ITGA11: variants seen among roughly 807,000 people sequenced by gnomAD.
The protein encoded by ITGA11 is integrin alpha-11.
ITGA11 carries 97 observed loss-of-function variants against 141.9 expected under a neutral mutation model. The ratio of observed to expected loss-of-function variants is 0.68; its 90% CI spans 0.58 to 0.81. The LOEUF (loss-of-function observed/expected upper bound fraction) is 0.81. ITGA11 is among the 30% of genes least tolerant of loss of function. The probability of loss-of-function intolerance (pLI) is 0.00; values close to 1 mark genes in which losing one functional copy is unlikely to be tolerated. For missense variants in ITGA11, 1,387 were observed against 1,559.2 expected, an observed-to-expected ratio of 0.89 and a Z score of 1.86; for synonymous variants, 658 against 624.6, an observed-to-expected ratio of 1.05 and a Z score of -0.80.
chr15:68,353,664 G>C (rs1275496229), intron 7 of ITGA11, among the ~76,000 whole-genome samples: 1 of 152,120 alleles, frequency 6.6e-6, no homozygotes, highest in Non-Finnish European at 1.5e-5. Context: ...ACTTGGATTT[G>C]TTCCTTTGTA....
chr15:68,357,075 T>C, intron 7 of ITGA11, 76 bp downstream of exon 7: 1 of 1,327,780 alleles, frequency 7.5e-7, no homozygotes, highest in South Asian at 1.4e-5. Flanking sequence ...TTTGTGGTAG[T>C]GTGTTACAAG....
At chr15:68,396,746 A>G (rs1275379664) in intron 2 of ITGA11, among the ~76,000 whole-genome samples, 2 of 149,932 alleles carry the variant, frequency 1.3e-5, no homozygotes, top group Non-Finnish European at 1.5e-5. Flanking sequence ...GTAAATATAC[A>G]AAAATCAATT....
rs143547078 is a variant in ITGA11 at position 68,361,660 on chromosome 15, G to A, written c.402C>T (p.Tyr134=). 74 of 1,610,418 alleles carry A rather than the reference G, an allele frequency of 4.6e-5. No individual in the cohort carries two copies. The highest frequency in any genetic ancestry group is 5.9e-5 in the Non-Finnish European group (70 of 1,178,314). Residue 134 remains tyrosine, a synonymous_variant, in exon 5 of 30, where the codon TAC becomes TAT. Transcript: ENST00000315757. ...TGACTCTTGAACACATCCCTGTGGT[G>A]TAGTAGGAGCTCCCACACTCATGAG... ...LWSHECGSSY[Y]TTGMCSRVNS...
chr15:68,328,169 A>C lies in ITGA11; in HGVS notation c.1995T>G (p.Asp665Glu), dbSNP rs1230024328. The C allele has an allele frequency of 4.3e-6, 7 of 1,613,888 alleles. No individual in the cohort carries two copies. Among genetic ancestry groups the C allele is most frequent in the Non-Finnish European group, 8.5e-7 (1 of 1,179,848 alleles). ...AGAGGAAGGCGGCCAGGCAGGTGGC[A>C]TCCCTGCCACTGCGCTTGCAGTCTC... ...FHRDCKRSGRDATCLAAFLCF... is the reference protein window; with the variant it reads ...FHRDCKRSGREATCLAAFLCF... Residue 665 changes from aspartate to glutamate, a missense_variant, in exon 16 of 30, where the codon GAT (aspartate) becomes GAG (glutamate). Asp to Glu is a conservative substitution (Grantham distance 45). Coordinates refer to ENST00000315757, the MANE Select transcript of ITGA11 (RefSeq NM_001004439.2). The surrounding 1 kb of genome is among the most constrained non-coding windows in gnomAD (Gnocchi z 4.8).
intron 3 of ITGA11, among the ~76,000 whole-genome samples, chr15:68,367,470 C>A (rs570125237): frequency 9.9e-5 from 15 of 152,248 alleles, no homozygotes; most frequent in South Asian, 2.1e-4. Context: ...CCACCTGTAA[C>A]CTTCTCAAAA....
intron 1 of ITGA11, among the ~76,000 whole-genome samples, chr15:68,412,668 C>CTTTTTT (rs71145169): frequency 2.0e-4 from 12 of 59,246 alleles, no homozygotes; most frequent in Non-Finnish European, 2.7e-4. Flanking sequence ...AACTTATTCG[C>CTTTTTT]TTTTTTTTTT....
intron 2 of ITGA11, among the ~76,000 whole-genome samples, chr15:68,377,604 T>G (rs995614849): frequency 2.0e-5 from 3 of 152,198 alleles, no homozygotes; most frequent in African/African-American, 7.2e-5. Flanking sequence ...CTCCTTCCCC[T>G]TCTCAATCCA....
chr15:68,422,084 G>C (rs1897031933), intron 1 of ITGA11, among the ~76,000 whole-genome samples: 1 of 152,166 alleles, frequency 6.6e-6, no homozygotes. Context: ...CACTGCTTCT[G>C]GGCCTGAAAA....
intron 3 of ITGA11, chr15:68,365,547 G>GGTGTGTGTGTGTGTGTGTGTGT (rs58398705): frequency 3.3e-5 from 5 of 149,430 alleles, no homozygotes; most frequent in African/African-American, 9.9e-5. Flanking sequence ...AGTGTGTTGG[G>GGTGTGTGTGTGTGTGTGTGTGT]GTGTGTGTGT....
At chr15:68,417,056 G>A (rs1274095869) in intron 1 of ITGA11, among the ~76,000 whole-genome samples, 1 of 151,882 alleles carries the variant, frequency 6.6e-6, no homozygotes, top group African/African-American at 2.4e-5. Flanking sequence ...GTCTTGCTCT[G>A]TCTGAGCGAG....
chr15:68,364,647 A>ACCCCAC, intron 4 of ITGA11, 60 bp downstream of exon 4: 10 of 904,806 alleles, frequency 1.1e-5, no homozygotes, highest in East Asian at 2.6e-5. Context: ...GAGACGCTCC[A>ACCCCAC]CCCCTCCCCA....
intron 2 of ITGA11, among the ~76,000 whole-genome samples, chr15:68,377,398 G>A (rs545882656): frequency 5.3e-5 from 8 of 152,122 alleles, no homozygotes; most frequent in African/African-American, 1.4e-4. Context: ...TCAGCCTCCC[G>A]AGTAGCTGGG....
intron 26 of ITGA11, among the ~76,000 whole-genome samples, chr15:68,309,096 T>G (rs1321508419): frequency 6.6e-6 from 1 of 152,228 alleles, no homozygotes; most frequent in African/African-American, 2.4e-5. Flanking sequence ...CTTCAAATAA[T>G]TATAACGGAT....
Position 68,335,283 on chromosome 15 carries a change from A to T in ITGA11, c.1425+414T>A, listed in dbSNP as rs1003716883. ...CCCTGGGAAAGCCACCTTGCTTCCC[A>T]GGAGCCCAGTTTTCCCCTGTGCTGG... On this transcript the variant is annotated intron_variant, in intron 12 of 29. Coordinates refer to ENST00000315757, the MANE Select transcript of ITGA11 (RefSeq NM_001004439.2). The surrounding 1 kb of genome is among the most constrained non-coding windows in gnomAD (Gnocchi z 4.9). Among the ~76,000 whole-genome samples, 2 of 152,158 alleles carry T rather than the reference A, an allele frequency of 1.3e-5. No homozygotes were observed. The highest frequency in any genetic ancestry group is 6.5e-5 in the Admixed American group (1 of 15,282).
rs1037969799 is a variant in ITGA11 at position 68,335,875 on chromosome 15, G to T, written c.1277-30C>A. The T allele has an allele frequency of 6.2e-7, 1 of 1,604,472 alleles. No homozygotes were observed. The highest frequency in any genetic ancestry group is 8.5e-7 in the Non-Finnish European group (1 of 1,175,336). ...CACAGGAGGAAACAGGCTGATCTTT[G>T]GCACCGTGTCCTCAGCAGGCGTTGC... On this transcript the variant is annotated intron_variant, in intron 11 of 29. Transcript: ENST00000315757. The surrounding 1 kb of genome is among the most constrained non-coding windows in gnomAD (Gnocchi z 4.9).
chr15:68,402,475 G>C (rs2140412535), intron 2 of ITGA11, among the ~76,000 whole-genome samples: 1 of 152,136 alleles, frequency 6.6e-6, no homozygotes, highest in Non-Finnish European at 1.5e-5. Context: ...GGCTCTTGGG[G>C]ATCTTTCCAG....
intron 2 of ITGA11, among the ~76,000 whole-genome samples, chr15:68,376,678 A>T (rs28401309): frequency 0.018 from 2,808 of 152,356 alleles, 77 homozygotes; most frequent in African/African-American, 0.064. Context: ...CTGGATGAAT[A>T]GAGCAAGCTC....
At position 68,305,539 on chromosome 15, in the gene ITGA11, G is replaced by T. The variant is rs938990883; in HGVS notation, c.3382-1654C>A. Among the ~76,000 whole-genome samples the T allele has an allele frequency of 2.6e-5, 4 of 152,140 alleles. No individual in the cohort carries two copies. Among genetic ancestry groups the T allele is most frequent in the Non-Finnish European group, 5.9e-5 (4 of 68,028 alleles). ...AACACGTGGAGTGAATGGACCACCT[G>T]CAACAGCAGACAGAGCCATGTGGAG... On this transcript the variant is annotated intron_variant, in intron 28 of 29. Transcript: ENST00000315757. This position sits in a 1 kb window ranked among gnomAD's most constrained non-coding sequence, Gnocchi z 4.6.
chr15:68,405,159 C>CTTTTTTTTTTTTTTTTTTTTTTT (rs201537337), intron 1 of ITGA11, among the ~76,000 whole-genome samples: 1 of 118,942 alleles, frequency 8.4e-6, no homozygotes. Flanking sequence ...CACTGTCTCC[C>CTTTTTTTTTTTTTTTTTTTTTTT]TTTTTTTTTT....
Sources: allele counts gnomAD v4.1 joint callset (sites outside exome capture counted in the v4.1 genomes callset), GRCh38; gene constraint gnomAD v4.1.1; non-coding constraint Gnocchi (gnomAD v3.1); transcripts MANE v1.5; gene names NCBI Gene and HGNC (gene_info 2026-07-23, HGNC 2026-07-21).